PASD1: variants seen among roughly 807,000 people sequenced by gnomAD.
PASD1 encodes the protein PAS domain containing repressor 1.
Under a neutral mutation model 58.8 loss-of-function variants are expected in PASD1, and 13 were observed. The ratio of observed to expected loss-of-function variants is 0.22; its 90% confidence interval spans 0.14 to 0.35. The LOEUF (loss-of-function observed/expected upper bound fraction) is 0.35. Among genes scored for constraint, PASD1 ranks in the 10% least tolerant of loss-of-function variants. The pLI, the probability that PASD1 is intolerant of heterozygous loss-of-function variation, is 1.00. For synonymous variants in PASD1, 236 were observed against 216.7 expected (o/e 1.09, Z -0.78); for missense variants, 734 against 568.3 (o/e 1.29, Z -2.96).
At chrX:151,608,805 C>T (rs141961107) in intron 3 of PASD1, among the ~76,000 whole-genome samples, 120 of 111,113 alleles carry the variant, frequency 1.1e-3, no homozygotes, top group African/African-American at 3.6e-3. Context: ...TCACTTTTTG[C>T]AATTTATATG....
chrX:151,596,282 GA>G (rs1169606029), intron 1 of PASD1, among the ~76,000 whole-genome samples: 1 of 112,212 alleles, frequency 8.9e-6, no homozygotes, highest in Non-Finnish European at 1.9e-5. Context: ...ACATGGCAGA[GA>G]AAGTCTAAGG....
rs566150228 is a variant in PASD1 at position 151,565,752 on chromosome X, G to C, written c.-28+1913G>C. On this transcript the variant is annotated intron_variant, in intron 1 of 15. Transcript: ENST00000370357. ...TTTTTGTATTTTTAGTAGAGACGGG[G>C]TTTCACCATGTTAGCCAGGATGGTC... Among the ~76,000 whole-genome samples, 24 of 110,244 alleles carry C rather than the reference G, an allele frequency of 2.2e-4. No homozygotes were observed. In the South Asian group the frequency reaches 9.4e-3, roughly 43 times the overall value.
intron 9 of PASD1, among the ~76,000 whole-genome samples, chrX:151,655,718 A>C (rs1395970442): frequency 2.3e-4 from 25 of 111,066 alleles, no homozygotes; most frequent in Admixed American, 1.6e-3. Context: ...TTTTTCTTGT[A>C]AATTTGTTTG....
At chrX:151,599,976 T>C (rs923948186) in intron 1 of PASD1, among the ~76,000 whole-genome samples, 3 of 111,889 alleles carry the variant, frequency 2.7e-5, no homozygotes, top group East Asian at 2.8e-4. Flanking sequence ...CTGGGCAACA[T>C]TGAGCACTGA....
chrX:151,622,811 T>C (rs193200882), intron 6 of PASD1, 126 bp from the exon 7 acceptor site: 72 of 716,933 alleles, frequency 1.0e-4, no homozygotes, highest in Admixed American at 4.1e-4. Flanking sequence ...ACAGGAAAAA[T>C]CCCATGGCTC....
intron 8 of PASD1, among the ~76,000 whole-genome samples, chrX:151,647,288 T>C (rs1253957446): frequency 9.0e-6 from 1 of 111,609 alleles, no homozygotes; most frequent in Non-Finnish European, 1.9e-5. Flanking sequence ...ATTTATGATG[T>C]GAGAAAACAT....
intron 1 of PASD1, among the ~76,000 whole-genome samples, chrX:151,599,439 C>T (rs1028598660): frequency 2.8e-5 from 3 of 105,615 alleles, no homozygotes; most frequent in Non-Finnish European, 5.9e-5. Flanking sequence ...GGCGGCTGGC[C>T]GGGCGGGGGC....
intron 15 of PASD1, among the ~76,000 whole-genome samples, 181 bp from the exon 16 acceptor site, chrX:151,675,816 G>A (rs1326819031): frequency 8.9e-6 from 1 of 112,506 alleles, no homozygotes; most frequent in African/African-American, 3.2e-5. Context: ...CTGGGAGAGA[G>A]AAGAGGAGAG....
At chrX:151,616,271 C>A (rs2013636151) in intron 4 of PASD1, among the ~76,000 whole-genome samples, 1 of 110,924 alleles carries the variant, frequency 9.0e-6, no homozygotes, top group South Asian at 3.9e-4. Context: ...CTTGGAGGGC[C>A]ATAGATGGTA....
intron 9 of PASD1, among the ~76,000 whole-genome samples, chrX:151,650,323 C>T (rs771226661): frequency 1.8e-5 from 2 of 110,591 alleles, no homozygotes; most frequent in South Asian, 7.7e-4. Context: ...TTAAAATATT[C>T]TCATTTTATA....
At chrX:151,578,619 A>G in intron 1 of PASD1, among the ~76,000 whole-genome samples, 1 of 112,628 alleles carries the variant, frequency 8.9e-6, no homozygotes, top group East Asian at 2.8e-4. Context: ...TCTGCTGCAG[A>G]GACAACAGAA....
chrX:151,594,036 C>T (rs1021961136), intron 1 of PASD1, among the ~76,000 whole-genome samples: 8 of 111,419 alleles, frequency 7.2e-5, no homozygotes, highest in East Asian at 5.7e-4. Context: ...TGCAGTGGCA[C>T]GGTCTCGGCT....
chrX:151,633,715 T>C (rs2013895999), intron 8 of PASD1, among the ~76,000 whole-genome samples: 1 of 112,078 alleles, frequency 8.9e-6, no homozygotes, highest in African/African-American at 3.2e-5. Context: ...GTTGTTAATA[T>C]TTTTTGAAAA....
At position 151,625,487 on chromosome X, in the gene PASD1, C is replaced by G; in HGVS notation, c.586C>G (p.Leu196Val). The G allele has an allele frequency of 8.3e-7, 1 of 1,209,881 alleles. No individual in the cohort carries two copies. Among genetic ancestry groups the G allele is most frequent in the Non-Finnish European group, 1.1e-6 (1 of 894,342 alleles). The change falls in exon 8 of 16, where the codon CTT (leucine) becomes GTT (valine). Residue 196 changes from leucine to valine, a missense_variant. Coordinates refer to ENST00000370357, the MANE Select transcript of PASD1 (RefSeq NM_173493.3). The part of the protein sequence containing the change: ...TSKAVSDEAV[L>V]TQDSDEEPFV... ...AAAGGCAGTCAGTGATGAAGCTGTA[C>G]TTACACAAGATTCAGATGAGGAACC...
rs776009222 is a variant in PASD1, at chrX:151,671,034, A to G, written c.1072-4A>G. 1.3e-5 allele frequency: 16 copies of G among 1,207,901 alleles called. No individual in the cohort carries two copies. The highest frequency in any genetic ancestry group is 1.5e-5 in the Non-Finnish European group (13 of 893,570). On this transcript the variant is annotated splice_region_variant and splice_polypyrimidine_tract_variant and intron_variant, in intron 11 of 15. Transcript: ENST00000370357. ...CATGAACCATAAGTAATTCCTCCCC[A>G]CAGCCATTACAGCCATCATCACCAG...
chrX:151,613,859 T>C (rs745480013), intron 4 of PASD1, among the ~76,000 whole-genome samples: 4 of 111,811 alleles, frequency 3.6e-5, no homozygotes, highest in African/African-American at 1.3e-4. Flanking sequence ...TTATATTTTA[T>C]AGTTTTAGAG....
chrX:151,590,330 T>C (rs776714720), intron 1 of PASD1, among the ~76,000 whole-genome samples: 1 of 111,867 alleles, frequency 8.9e-6, no homozygotes, highest in Non-Finnish European at 1.9e-5. Context: ...AACTCATGAA[T>C]TACAGTGCTT....
chrX:151,636,804 A>G (rs2013937286), intron 8 of PASD1, among the ~76,000 whole-genome samples: 1 of 111,338 alleles, frequency 9.0e-6, no homozygotes, highest in Non-Finnish European at 1.9e-5. Context: ...GGATTTTAAG[A>G]AAGCTATAGA....
At chrX:151,612,765 G>A (rs1184043656) in intron 4 of PASD1, among the ~76,000 whole-genome samples, 4 of 111,537 alleles carry the variant, frequency 3.6e-5, no homozygotes, top group African/African-American at 1.3e-4. Context: ...CGTTCTGTAG[G>A]TTGCCTGTTC....
Sources: allele counts gnomAD v4.1 joint callset (sites outside exome capture counted in the v4.1 genomes callset), GRCh38; gene constraint gnomAD v4.1.1; transcripts MANE v1.5; gene names NCBI Gene and HGNC (gene_info 2026-07-23, HGNC 2026-07-21).